TECPR2: variants seen among roughly 807,000 people sequenced by gnomAD.
TECPR2 encodes tectonin beta-propeller repeat-containing protein 2.
A neutral mutation model predicts 138.1 loss-of-function variants in TECPR2; 65 were observed. The observed-to-expected ratio is 0.47, with a 90% CI of 0.39 to 0.58. TECPR2 has a LOEUF of 0.58. Among genes scored for constraint, TECPR2 ranks in the 20% least tolerant of loss-of-function variants. The pLI is 0.00. For synonymous variants in TECPR2, 746 were observed against 749.8 expected (o/e 0.99, Z 0.08); for missense variants, 1,553 against 1,824.5 (o/e 0.85, Z 2.71).
rs143901912 is a variant in TECPR2 at position 102,498,339 on chromosome 14, G to A, written c.*82G>A. 2,162 of 1,473,552 alleles carry A rather than the reference G, an allele frequency of 1.5e-3. 20 individuals are homozygous for A. In the African/African-American group the frequency reaches 0.027, roughly 18 times the overall value. 91.3% of individuals were successfully genotyped at this position (1,473,552 alleles called of 1,614,324 possible). A position where few individuals can be genotyped will look rare whatever the true frequency, so the allele number is the denominator to read the frequency against. ...TTCAGAGTGACTCCCTGGTGGACGCGCTGCCTCAACACTTGTCCAGACACC... is the reference window on the plus strand; with the variant it reads ...TTCAGAGTGACTCCCTGGTGGACGCACTGCCTCAACACTTGTCCAGACACC... On this transcript the variant is annotated 3_prime_UTR_variant, in exon 20 of 20. Transcript: ENST00000359520.
At chr14:102,463,416 C>CAAAAAAAAAAAAAAAAAAA (rs550694466) in intron 16 of TECPR2, among the ~76,000 whole-genome samples, 7 of 38,514 alleles carry the variant, frequency 1.8e-4, no homozygotes, top group Admixed American at 2.9e-4. Context: ...GACTCCGTCT[C>CAAAAAAAAAAAAAAAAAAA]AAAAAAAAAA....
At position 102,412,450 on chromosome 14, in the gene TECPR2, A is replaced by G. The variant is rs762526455; in HGVS notation, c.481-2186A>G. Among the ~76,000 whole-genome samples, 174 of 152,180 alleles carry G rather than the reference A, an allele frequency of 1.1e-3. 2 individuals are homozygous for G. The highest frequency in any genetic ancestry group is 3.2e-4 in the Non-Finnish European group (22 of 68,026). On this transcript the variant is annotated intron_variant, in intron 4 of 19. Coordinates refer to ENST00000359520, the MANE Select transcript of TECPR2 (RefSeq NM_014844.5). ...GCCAGCTGATAAATTTTCTAATACAATATCAAAAAAATACCTTCATTAACA... is the reference window on the plus strand; with the variant it reads ...GCCAGCTGATAAATTTTCTAATACAGTATCAAAAAAATACCTTCATTAACA...
intron 1 of TECPR2, among the ~76,000 whole-genome samples, chr14:102,371,223 G>C (rs1887500455): frequency 6.6e-6 from 1 of 152,174 alleles, no homozygotes; most frequent in Non-Finnish European, 1.5e-5. Flanking sequence ...GGTTGGGTGA[G>C]GTGGAACATG....
At chr14:102,430,644 C>T (rs560965470) in intron 7 of TECPR2, among the ~76,000 whole-genome samples, 1 of 152,302 alleles carries the variant, frequency 6.6e-6, no homozygotes, top group East Asian at 1.9e-4. Flanking sequence ...ACTGCTCTGG[C>T]CTTGTGCCCT....
chr14:102,466,510 G>T (rs2139772916), intron 17 of TECPR2, among the ~76,000 whole-genome samples: 1 of 152,242 alleles, frequency 6.6e-6, no homozygotes, highest in Middle Eastern at 3.4e-3. Context: ...CACTGCTGGG[G>T]CACAGTGATT....
At chr14:102,452,871 G>A (rs1028698361) in intron 16 of TECPR2, among the ~76,000 whole-genome samples, 4 of 152,168 alleles carry the variant, frequency 2.6e-5, no homozygotes, top group South Asian at 2.1e-4. Flanking sequence ...GAGGGTGTGC[G>A]TCCTCAGGTC....
chr14:102,499,458 C>G lies in TECPR2; in HGVS notation c.*1201C>G. 2 of 542,600 alleles carry G rather than the reference C, an allele frequency of 3.7e-6. No individual in the cohort carries two copies. Among genetic ancestry groups the G allele is most frequent in the Non-Finnish European group, 6.6e-6 (2 of 301,694 alleles). 33.6% of individuals were successfully genotyped at this position (542,600 alleles called of 1,614,324 possible). On this transcript the variant is annotated 3_prime_UTR_variant, in exon 20 of 20. Transcript: ENST00000359520. ...GTTTGTCCTGAGCCTGCACTGTCCT[C>G]GCCTGCAGCCTCAGAGGGGCAGGCA...
chr14:102,384,607 G>A (rs569277560), intron 2 of TECPR2, among the ~76,000 whole-genome samples: 46 of 151,640 alleles, frequency 3.0e-4, no homozygotes, highest in Non-Finnish European at 6.0e-4. Context: ...AACCCGGGAG[G>A]CGGAGATTGC....
chr14:102,446,027 T>C (rs562262575), intron 13 of TECPR2, 80 bp downstream of exon 13: 7 of 1,448,618 alleles, frequency 4.8e-6, no homozygotes, highest in Non-Finnish European at 5.6e-6. Flanking sequence ...CTCTTTTCCT[T>C]AACGATACTA....
chr14:102,363,002 C>T lies in TECPR2; in HGVS notation c.-187C>T, dbSNP rs1015529501. On this transcript the variant is annotated 5_prime_UTR_variant, in exon 1 of 20. Transcript: ENST00000359520. Reference sequence around the variant, plus strand: ...AGCTGCTGCTCTTCGGTGCTGGCCCCGGTGCCGGCCCCGTTGCCCAGGGAA... The same window carrying T: ...AGCTGCTGCTCTTCGGTGCTGGCCCTGGTGCCGGCCCCGTTGCCCAGGGAA... 1.4e-5 allele frequency: 14 copies of T among 1,036,254 alleles called. No homozygotes were observed. Among genetic ancestry groups the T allele is most frequent in the Middle Eastern group, 3.0e-4 (1 of 3,308 alleles). 64.2% of individuals were successfully genotyped at this position (1,036,254 alleles called of 1,614,324 possible). A position where few individuals can be genotyped will look rare whatever the true frequency, so the allele number is the denominator to read the frequency against.
chr14:102,374,589 C>G (rs1487233930), intron 1 of TECPR2, among the ~76,000 whole-genome samples: 1 of 152,170 alleles, frequency 6.6e-6, no homozygotes, highest in East Asian at 1.9e-4. Flanking sequence ...TAGTGAAACC[C>G]TCTCTATTTT....
At position 102,447,045 on chromosome 14, in the gene TECPR2, C is replaced by T. The variant is rs114854638; in HGVS notation, c.3075+1098C>T. On this transcript the variant is annotated intron_variant, in intron 13 of 19. Transcript: ENST00000359520. ...CAGCAAAGACAGGAGAATTTTCCCA[C>T]GTGCTTCCAGAAAAGGAAACACTAT... is the stretch of plus-strand genomic sequence containing the variant. 2.3e-3 allele frequency among the ~76,000 whole-genome samples: 346 copies of T among 152,322 alleles called. 2 individuals are homozygous for T. Among genetic ancestry groups the T allele is most frequent in the African/African-American group, 7.9e-3 (327 of 41,584 alleles).
rs115066400 is a variant in TECPR2, at chr14:102,450,278, A to G, written c.3317-282A>G. ...GGTCTGTGAATGTAGATGCCAGTCT[A>G]CACATCCTGGGGTTTGTTTCTGTGA... On this transcript the variant is annotated intron_variant, in intron 14 of 19. Transcript: ENST00000359520. Among the ~76,000 whole-genome samples the G allele has an allele frequency of 2.9e-3, 438 of 152,262 alleles. 4 individuals are homozygous for G. Among genetic ancestry groups the G allele is most frequent in the African/African-American group, 0.01 (422 of 41,546 alleles).
chr14:102,427,950 A>G (rs1313682907), intron 6 of TECPR2, among the ~76,000 whole-genome samples: 1 of 152,214 alleles, frequency 6.6e-6, no homozygotes, highest in East Asian at 1.9e-4. Flanking sequence ...CCATGGAGGA[A>G]CAGGGCTGGG....
rs1340395562 is a variant in TECPR2 at position 102,434,823 on chromosome 14, CTGA to C, written c.2010_2012del (p.Asp670del). ...GAACAGTGGCTGCCTGGGACCAGAG[CTGA>C]TGAAGGCAGCCCCGTGGAGCCCAGC... On this transcript the variant is annotated inframe_deletion, in exon 9 of 20. Transcript: ENST00000359520. 2.5e-6 allele frequency: 4 copies of C among 1,613,276 alleles called. No homozygotes were observed. The highest frequency in any genetic ancestry group is 1.7e-5 in the Admixed American group (1 of 60,010).
At chr14:102,487,846 GT>G (rs36006413) in intron 17 of TECPR2, among the ~76,000 whole-genome samples, 27 of 129,410 alleles carry the variant, frequency 2.1e-4, no homozygotes, top group Non-Finnish European at 1.3e-4. Context: ...CGGCCTGTTT[GT>G]TTTTTTTTTT....
intron 1 of TECPR2, among the ~76,000 whole-genome samples, chr14:102,369,777 T>TAA (rs1297745218): frequency 1.3e-5 from 2 of 148,274 alleles, no homozygotes; most frequent in African/African-American, 5.0e-5. Flanking sequence ...CCGTCTCTAC[T>TAA]AAAAAAAACA....
intron 1 of TECPR2, among the ~76,000 whole-genome samples, chr14:102,376,355 G>C (rs1477072963): frequency 6.6e-6 from 1 of 152,052 alleles, no homozygotes; most frequent in Non-Finnish European, 1.5e-5. Context: ...TATTTCATCT[G>C]CCTCCCTGTC....
At position 102,450,650 on chromosome 14, in the gene TECPR2, G is replaced by A; in HGVS notation, c.3406+1G>A. On this transcript the variant is annotated splice_donor_variant, in intron 15 of 19. Transcript: ENST00000359520. LOFTEE classifies it high-confidence loss of function. ...GCTTCTGCAGCTCCCACGAAGGAAG[G>A]TGGGTCAGTCTTAGCCTCACTGAAG... 1.9e-6 allele frequency: 3 copies of A among 1,614,162 alleles called. No homozygotes were observed. Among genetic ancestry groups the A allele is most frequent in the Non-Finnish European group, 2.5e-6 (3 of 1,179,994 alleles).
Sources: gnomAD v4.1 joint callset for allele counts (sites outside exome capture counted in the v4.1 genomes callset) on GRCh38, gnomAD v4.1.1 for gene constraint, MANE v1.5 for transcripts, NCBI Gene and HGNC (gene_info 2026-07-23, HGNC 2026-07-21) for gene names.